CYRIA: variants seen among roughly 807,000 people sequenced by gnomAD.
CYRIA encodes the protein CYFIP related Rac1 interactor A, also known as CYFIP-related Rac1 interactor A.
A neutral mutation model predicts 43.9 loss-of-function variants in CYRIA; 15 were observed. The ratio of observed to expected loss-of-function variants is 0.34; its 90% CI spans 0.23 to 0.53. The LOEUF (loss-of-function observed/expected upper bound fraction) is 0.53. Ranked by LOEUF, CYRIA falls within the 20% of genes least tolerant of loss-of-function variation. CYRIA has a pLI of 0.94. For missense variants in CYRIA, 236 were observed against 394.2 expected (o/e 0.60, Z 3.40); for synonymous variants, 117 against 136.0 (o/e 0.86, Z 0.97).
Position 16,565,663 on chromosome 2 carries a change from C to T in CYRIA, c.175G>A (p.Gly59Ser). ...TGACATACATCTCGGATCTCTGGGCCTGCGCCTTTGTAAGCCTGCAGGTCT... is the reference window on the plus strand; with the variant it reads ...TGACATACATCTCGGATCTCTGGGCTTGCGCCTTTGTAAGCCTGCAGGTCT... ...LADLQAYKGA[G>S]PEIRDAIQNP... The change falls in exon 4 of 12, where the codon GGC (glycine) becomes AGC (serine). Residue 59 changes from glycine (G) to serine (S), a missense_variant. Coordinates refer to ENST00000381323, the MANE Select transcript of CYRIA (RefSeq NM_030797.4). The T allele has an allele frequency of 6.3e-7, 1 of 1,581,970 alleles. No individual in the cohort carries two copies. Among genetic ancestry groups the T allele is most frequent in the East Asian group, 2.3e-5 (1 of 44,146 alleles).
chr2:16,556,992 C>A (rs1335386279), intron 10 of CYRIA, among the ~76,000 whole-genome samples: 1 of 151,962 alleles, frequency 6.6e-6, no homozygotes, highest in Non-Finnish European at 1.5e-5. Flanking sequence ...TGGGGATGGC[C>A]ATATTTCAGG....
intron 1 of CYRIA, among the ~76,000 whole-genome samples, chr2:16,636,047 A>G (rs1211677833): frequency 2.6e-5 from 4 of 152,112 alleles, no homozygotes; most frequent in South Asian, 2.1e-4. Context: ...ATGCACAAGG[A>G]AAGAGGCAAT....
intron 3 of CYRIA, among the ~76,000 whole-genome samples, chr2:16,586,680 C>T (rs1667739709): frequency 6.6e-6 from 1 of 151,180 alleles, no homozygotes; most frequent in Non-Finnish European, 1.5e-5. Flanking sequence ...ACGGAGCTTA[C>T]ACTTTTGGTT....
chr2:16,556,107 G>A (rs1666501954), intron 10 of CYRIA, among the ~76,000 whole-genome samples: 1 of 152,068 alleles, frequency 6.6e-6, no homozygotes, highest in Admixed American at 6.6e-5. Context: ...TATTGGATTT[G>A]GTTATACTTA....
In CYRIA at chr2:16,561,227, G is replaced by A; in HGVS notation, c.564C>T (p.Leu188=). 3.1e-6 allele frequency: 5 copies of A among 1,613,818 alleles called. No individual in the cohort carries two copies. Among genetic ancestry groups the A allele is most frequent in the Non-Finnish European group, 3.4e-6 (4 of 1,179,750 alleles). ...GCATTGGCGTGGCTTCTGCATAGAA[G>A]AGGGACATTCGATTGGCCATCTCAT... The part of the protein sequence containing the change: ...VNNEMANRMS[L]FYAEATPMLK... Residue 188 remains leucine, a synonymous_variant, in exon 8 of 12, where the codon CTC becomes CTT. Coordinates refer to ENST00000381323, the MANE Select transcript of CYRIA (RefSeq NM_030797.4).
At chr2:16,652,174 T>A (rs896655788) in intron 1 of CYRIA, among the ~76,000 whole-genome samples, 6 of 152,186 alleles carry the variant, frequency 3.9e-5, no homozygotes, top group African/African-American at 1.4e-4. Context: ...ATCATTCCTT[T>A]GTGAAAATTC....
rs369187322 is a variant in CYRIA at position 16,576,102 on chromosome 2, C to T, written c.71-10335G>A. The stretch of plus-strand genomic sequence containing the variant: ...TCTTTATAAGCAGCATGAAAGTAGA[C>T]TAATACAGCCTATTAAGTGCCAATG... On this transcript the variant is annotated intron_variant, in intron 3 of 11. Transcript: ENST00000381323. Among the ~76,000 whole-genome samples, 6 of 152,190 alleles carry T rather than the reference C, an allele frequency of 3.9e-5. No individual in the cohort carries two copies. The East Asian group carries it at 7.7e-4, about 20-fold the overall frequency.
intron 2 of CYRIA, among the ~76,000 whole-genome samples, chr2:16,613,285 T>C (rs966458615): frequency 2.6e-5 from 4 of 152,196 alleles, no homozygotes; most frequent in Admixed American, 1.3e-4. Context: ...CAGCGGGTAG[T>C]GCTGTCCCAG....
rs1335212789 is a variant in CYRIA, at chr2:16,551,949, A to G, written c.*987T>C. On this transcript the variant is annotated 3_prime_UTR_variant, in exon 12 of 12. Coordinates refer to ENST00000381323, the MANE Select transcript of CYRIA (RefSeq NM_030797.4). ...TTTAAAAACCTGGGAAATAGAAAAC[A>G]TGGATTTTTTTTCCCTCTAAATTCC... The G allele has an allele frequency of 2.0e-5, 3 of 152,098 alleles. No homozygotes were observed. Among genetic ancestry groups the G allele is most frequent in the South Asian group, 2.1e-4 (1 of 4,828 alleles). The allele number at this position is 152,098 out of a possible 1,614,324, so 9.4% of individuals were successfully genotyped here.
chr2:16,582,524 C>A (rs539698561), intron 3 of CYRIA, among the ~76,000 whole-genome samples: 1 of 152,182 alleles, frequency 6.6e-6, no homozygotes, highest in African/African-American at 2.4e-5. Flanking sequence ...TTCTCTCCAA[C>A]CCTCTCCCCA....
At chr2:16,561,974 T>C in intron 6 of CYRIA, 31 bp downstream of exon 6, 1 of 1,599,046 alleles carries the variant, frequency 6.3e-7, no homozygotes, top group Non-Finnish European at 8.5e-7. Context: ...AGTACAAGTT[T>C]ATTAAATTTT....
intron 1 of CYRIA, among the ~76,000 whole-genome samples, chr2:16,645,960 T>C (rs890320398): frequency 6.6e-6 from 1 of 152,108 alleles, no homozygotes; most frequent in Non-Finnish European, 1.5e-5. Context: ...CCCACACAAG[T>C]CAGCTGTCCC....
chr2:16,557,057 G>A (rs576431650), intron 10 of CYRIA, among the ~76,000 whole-genome samples: 1 of 152,190 alleles, frequency 6.6e-6, no homozygotes, highest in African/African-American at 2.4e-5. Context: ...TGGAGACAGG[G>A]GTTAAGAGGT....
chr2:16,611,399 G>T (rs1418806429), intron 2 of CYRIA, among the ~76,000 whole-genome samples: 2 of 152,120 alleles, frequency 1.3e-5, no homozygotes, highest in African/African-American at 4.8e-5. Context: ...ACCAGTCAAA[G>T]AAATAAATAC....
chr2:16,622,858 AAG>A (rs1275667855), intron 2 of CYRIA: 1 of 152,278 alleles, frequency 6.6e-6, no homozygotes, highest in Non-Finnish European at 1.5e-5. Context: ...CCCAAAGAAT[AAG>A]AGTCTGGCAT....
At chr2:16,611,535 T>G (rs1466951348) in intron 2 of CYRIA, among the ~76,000 whole-genome samples, 3 of 152,122 alleles carry the variant, frequency 2.0e-5, no homozygotes, top group Admixed American at 1.3e-4. Flanking sequence ...GTGAGGACTG[T>G]GATCTGGGTA....
intron 2 of CYRIA, among the ~76,000 whole-genome samples, chr2:16,610,054 G>T (rs1051146044): frequency 9.2e-5 from 14 of 152,186 alleles, no homozygotes; most frequent in Non-Finnish European, 4.4e-5. Flanking sequence ...AACAAAAAAT[G>T]CAATTGAGTA....
chr2:16,602,144 T>C (rs1451769693), intron 2 of CYRIA, among the ~76,000 whole-genome samples: 1 of 152,242 alleles, frequency 6.6e-6, no homozygotes, highest in Admixed American at 6.5e-5. Context: ...CTACCAGGGT[T>C]TATTTTCTAA....
chr2:16,665,686 TCGCGGTGCCC>T (rs969174104), intron 1 of CYRIA, 84 bp downstream of exon 1: 7 of 143,236 alleles, frequency 4.9e-5, no homozygotes, highest in African/African-American at 1.1e-4. Flanking sequence ...CCGCCCCGCC[TCGCGGTGCCC>T]CGCGGTGCCC....
Sources: allele counts gnomAD v4.1 joint callset (sites outside exome capture counted in the v4.1 genomes callset), GRCh38; gene constraint gnomAD v4.1.1; transcripts MANE v1.5; gene names NCBI Gene and HGNC (gene_info 2026-07-23, HGNC 2026-07-21).